GRM7: variants seen among roughly 807,000 people sequenced by gnomAD.
GRM7 encodes the protein glutamate metabotropic receptor 7.
In GRM7, 35 loss-of-function variants were observed where a neutral mutation model predicts 84.5. The ratio of observed to expected loss-of-function variants is 0.41; its 90% confidence interval spans 0.32 to 0.55. GRM7 has a LOEUF of 0.55. Among genes scored for constraint, GRM7 ranks in the 20% least tolerant of loss-of-function variants. The probability of loss-of-function intolerance (pLI) is 0.19; values close to 1 mark genes in which losing one functional copy is unlikely to be tolerated. For missense variants in GRM7, 1,003 were observed against 1,194.6 expected (o/e 0.84, Z 2.36); for synonymous variants, 487 against 455.1 (o/e 1.07, Z -0.89).
At chr3:7,218,526 A>G (rs970245841) in intron 2 of GRM7, among the ~76,000 whole-genome samples, 1 of 152,058 alleles carries the variant, frequency 6.6e-6, no homozygotes, top group African/African-American at 2.4e-5. Context: ...ATGACATATA[A>G]AAGCTTAAAA....
chr3:7,217,845 ATATAT>A (rs1030378699), intron 2 of GRM7, among the ~76,000 whole-genome samples: 18 of 109,646 alleles, frequency 1.6e-4, no homozygotes, highest in Admixed American at 5.4e-4. Context: ...ATGTGTGTGT[ATATAT>A]TATGTTTAAA....
chr3:7,478,573 A>G lies in GRM7; in HGVS notation c.1515+16851A>G, dbSNP rs192706578. ...ATCAGTGAGAGTTAGGGAGCAATCA[A>G]TGAGTATGGTCAACAGCTCTTGATG... is the stretch of plus-strand genomic sequence containing the variant. On this transcript the variant is annotated intron_variant, in intron 7 of 9. Coordinates refer to ENST00000357716, the MANE Select transcript of GRM7 (RefSeq NM_000844.4). Among the ~76,000 whole-genome samples the G allele has an allele frequency of 5.6e-3, 859 of 152,314 alleles. 3 individuals carry two copies. Among genetic ancestry groups the G allele is most frequent in the Non-Finnish European group, 8.2e-3 (559 of 68,020 alleles).
chr3:7,622,057 G>A (rs892635857), intron 8 of GRM7, among the ~76,000 whole-genome samples: 11 of 152,080 alleles, frequency 7.2e-5, no homozygotes, highest in East Asian at 1.9e-4. Flanking sequence ...AAGTTGTCAC[G>A]GGCTCAATTT....
intron 1 of GRM7, among the ~76,000 whole-genome samples, chr3:7,046,541 G>T (rs1696813636): frequency 6.6e-6 from 1 of 152,098 alleles, no homozygotes. Flanking sequence ...TTTGGCAACA[G>T]CCAGTTGTGT....
intron 1 of GRM7, among the ~76,000 whole-genome samples, chr3:7,066,143 C>T (rs1697649711): frequency 6.6e-6 from 1 of 151,542 alleles, no homozygotes; most frequent in African/African-American, 2.4e-5. Context: ...ACAAACCAAA[C>T]CCAAACCCAG....
chr3:6,956,574 C>T (rs1472207070), intron 1 of GRM7: 2 of 456,682 alleles, frequency 4.4e-6, no homozygotes, highest in South Asian at 3.1e-5. Flanking sequence ...TAGGGAGATG[C>T]CCTTCTATCC....
chr3:7,251,982 TA>T (rs765722507), intron 2 of GRM7, among the ~76,000 whole-genome samples: 4 of 151,822 alleles, frequency 2.6e-5, no homozygotes, highest in Non-Finnish European at 4.4e-5. Flanking sequence ...TTATTAGGAG[TA>T]ATATTTAAAG....
chr3:7,540,951 G>A (rs892804779), intron 7 of GRM7, among the ~76,000 whole-genome samples: 3 of 152,194 alleles, frequency 2.0e-5, no homozygotes, highest in Admixed American at 2.0e-4. Context: ...GAAAAAGCAA[G>A]TTGAAGAAGT....
chr3:7,126,412 G>A (rs77925390), intron 1 of GRM7, among the ~76,000 whole-genome samples: 15,592 of 152,224 alleles, frequency 0.1, 1,107 homozygotes, highest in Non-Finnish European at 0.16. Flanking sequence ...GTTAATTGCC[G>A]TGCTCCAGAA....
intron 1 of GRM7, among the ~76,000 whole-genome samples, chr3:7,099,221 A>G (rs1388619689): frequency 5.2e-5 from 6 of 115,984 alleles, no homozygotes; most frequent in Non-Finnish European, 8.1e-5. Context: ...GCATATAATA[A>G]TACATGTATT....
chr3:7,477,508 A>G (rs1698969511), intron 7 of GRM7, among the ~76,000 whole-genome samples: 1 of 152,170 alleles, frequency 6.6e-6, no homozygotes, highest in South Asian at 2.1e-4. Flanking sequence ...TCAAAAAGAC[A>G]TTCATGAGTA....
At chr3:7,369,101 C>T (rs1190975600) in intron 4 of GRM7, among the ~76,000 whole-genome samples, 9 of 152,064 alleles carry the variant, frequency 5.9e-5, no homozygotes, top group African/African-American at 2.2e-4. Context: ...CTCTGTCACC[C>T]TGGAGTATGG....
intron 9 of GRM7, chr3:7,686,217 T>G (rs1036449557): frequency 1.9e-5 from 10 of 522,892 alleles, no homozygotes; most frequent in African/African-American, 1.4e-4. Context: ...TACCAAAGGA[T>G]ATTGAACCCA....
intron 1 of GRM7, among the ~76,000 whole-genome samples, chr3:6,993,996 G>T (rs556339837): frequency 1.2e-4 from 19 of 152,236 alleles, no homozygotes; most frequent in South Asian, 2.1e-4. Flanking sequence ...GCCTAAAAGA[G>T]ATTAGAGTTG....
At chr3:7,132,631 A>G (rs867050935) in intron 1 of GRM7, among the ~76,000 whole-genome samples, 1 of 152,384 alleles carries the variant, frequency 6.6e-6, no homozygotes. Flanking sequence ...TTTTATAAGA[A>G]TAAAAGAACT....
intron 7 of GRM7, among the ~76,000 whole-genome samples, chr3:7,536,229 G>T (rs1037301758): frequency 2.0e-5 from 3 of 152,110 alleles, no homozygotes; most frequent in African/African-American, 7.2e-5. Flanking sequence ...TTATCAGTTT[G>T]TTAGATAATC....
At position 7,491,234 on chromosome 3, in the gene GRM7, T is replaced by C. The variant is rs997454925; in HGVS notation, c.1515+29512T>C. The stretch of plus-strand genomic sequence containing the variant: ...AATGTATCAAATGAGCAAAAATTTT[T>C]ACAAAAATGGTATAGTTAGATAAAT... On this transcript the variant is annotated intron_variant, in intron 7 of 9. Transcript: ENST00000357716. Among the ~76,000 whole-genome samples, 3 of 152,144 alleles carry C rather than the reference T, an allele frequency of 2.0e-5. No individual in the cohort carries two copies. In the South Asian group the frequency reaches 6.2e-4, roughly 32 times the overall value.
intron 8 of GRM7, among the ~76,000 whole-genome samples, chr3:7,644,120 T>TTGTTGTG (rs55748562): frequency 0.52 from 62,421 of 119,766 alleles, 16,921 homozygotes; most frequent in East Asian, 0.66. Context: ...ACTGTGCATG[T>TTGTTGTG]TGTGTGTGTG....
In GRM7 at chr3:6,861,169, C is replaced by T; in HGVS notation, c.-220C>T. 1.1e-5 allele frequency: 5 copies of T among 439,708 alleles called. No individual in the cohort carries two copies. The Admixed American group carries it at 2.2e-4, about 19-fold the overall frequency. 27.2% of individuals were successfully genotyped at this position (439,708 alleles called of 1,614,324 possible). On this transcript the variant is annotated 5_prime_UTR_variant, in exon 1 of 10. Coordinates refer to ENST00000357716, the MANE Select transcript of GRM7 (RefSeq NM_000844.4). This position sits in a 1 kb window ranked among gnomAD's most constrained non-coding sequence, Gnocchi z 6.4. Reference sequence around the variant, plus strand: ...CAAGCCGGTGAGCGCGAGCGCGGCGCGCCGGCCGGCTAACCCGAGAGCGCG... The same window carrying T: ...CAAGCCGGTGAGCGCGAGCGCGGCGTGCCGGCCGGCTAACCCGAGAGCGCG...
Sources: allele counts gnomAD v4.1 joint callset (sites outside exome capture counted in the v4.1 genomes callset), GRCh38; gene constraint gnomAD v4.1.1; non-coding constraint Gnocchi (gnomAD v3.1); transcripts MANE v1.5; gene names NCBI Gene and HGNC (gene_info 2026-07-23, HGNC 2026-07-21).